The following BTBD1 variants were observed in gnomAD, a reference collection of about 807,000 sequenced individuals.
The protein encoded by BTBD1 is BTB/POZ domain-containing protein 1.
In BTBD1, 34 loss-of-function variants were observed where a neutral mutation model predicts 48.0. That is an observed-to-expected ratio of 0.71 (90% CI 0.54 to 0.94). The LOEUF (loss-of-function observed/expected upper bound fraction) is 0.94, where lower values mean the gene tolerates loss of function less well. Ranked by LOEUF, BTBD1 falls within the 40% of genes least tolerant of loss-of-function variation. BTBD1 has a pLI of 0.00. For missense variants in BTBD1, 543 were observed against 625.6 expected (o/e 0.87, Z 1.41); for synonymous variants, 261 against 242.1 (o/e 1.08, Z -0.72).
At chr15:83,050,566 TAC>T (rs1567110761) in intron 2 of BTBD1, among the ~76,000 whole-genome samples, 1 of 152,068 alleles carries the variant, frequency 6.6e-6, no homozygotes, top group African/African-American at 2.4e-5. Context: ...TTTGGAGAGG[TAC>T]AGTGACTTGC....
chr15:83,059,960 T>C (rs1008779764), intron 1 of BTBD1, among the ~76,000 whole-genome samples: 7 of 152,330 alleles, frequency 4.6e-5, no homozygotes, highest in African/African-American at 1.2e-4. Context: ...GTGTTTCTTA[T>C]AAGACATTTT....
At chr15:83,045,502 A>AAAAC (rs942993825) in intron 3 of BTBD1, among the ~76,000 whole-genome samples, 5 of 150,380 alleles carry the variant, frequency 3.3e-5, no homozygotes, top group Non-Finnish European at 7.4e-5. Context: ...CTGCCTCAAA[A>AAAAC]AAACAAACAA....
chr15:83,063,035 T>C (rs28570610), intron 1 of BTBD1, among the ~76,000 whole-genome samples: 10,439 of 152,276 alleles, frequency 0.069, 377 homozygotes, highest in Middle Eastern at 0.1. Context: ...CTCAATAGCA[T>C]TGAGCATAAC....
At chr15:83,056,704 T>TCTCC (rs2033092508) in intron 1 of BTBD1, among the ~76,000 whole-genome samples, 159 bp from the exon 2 acceptor site, 1 of 112,358 alleles carries the variant, frequency 8.9e-6, no homozygotes. Context: ...TCCATTCATC[T>TCTCC]ATCCATCCAT....
chr15:83,041,904 T>G lies in BTBD1; in HGVS notation c.686A>C (p.Glu229Ala), dbSNP rs372348467. The change falls in exon 4 of 8, where the codon GAG becomes GCG. Residue 229 changes from glutamate (E) to alanine (A), a missense_variant. By Grantham distance (107) the Glu-to-Ala change is moderately radical. Coordinates refer to ENST00000261721, the MANE Select transcript of BTBD1 (RefSeq NM_025238.4). ...TTCTCGAATACTGAGTGTGTCTCTCTCTAAAACTGCACAGAGTGTATCTAT... is the reference window on the plus strand; with the variant it reads ...TTCTCGAATACTGAGTGTGTCTCTCGCTAAAACTGCACAGAGTGTATCTAT... Reference protein sequence around the residue: ...IDIDTLCAVLERDTLSIRESR... With the variant: ...IDIDTLCAVLARDTLSIRESR... 1.4e-4 allele frequency: 234 copies of G among 1,614,146 alleles called. No homozygotes were observed. Among genetic ancestry groups the G allele is most frequent in the Non-Finnish European group, 1.9e-4 (223 of 1,180,016 alleles).
chr15:83,018,231 T>C lies in BTBD1; in HGVS notation c.1291-6A>G, dbSNP rs1596418450. On this transcript the variant is annotated splice_region_variant and splice_polypyrimidine_tract_variant and intron_variant, in intron 7 of 7. Coordinates refer to ENST00000261721, the MANE Select transcript of BTBD1 (RefSeq NM_025238.4). Reference sequence around the variant, plus strand: ...CCATAGTGGGAATCTGGACCCTAAATGAGAACAAAAGGTTCCTTAGTAATT... The same window carrying C: ...CCATAGTGGGAATCTGGACCCTAAACGAGAACAAAAGGTTCCTTAGTAATT... 6.4e-7 allele frequency: 1 copy of C among 1,564,694 alleles called. No individual in the cohort carries two copies. The highest frequency in any genetic ancestry group is 8.6e-7 in the Non-Finnish European group (1 of 1,156,760).
intron 4 of BTBD1, among the ~76,000 whole-genome samples, chr15:83,032,849 G>T (rs1359803767): frequency 6.6e-6 from 1 of 151,736 alleles, no homozygotes. Flanking sequence ...GTGGGTGCCT[G>T]TGATCCTAGC....
intron 4 of BTBD1, among the ~76,000 whole-genome samples, chr15:83,039,186 G>C (rs923500727): frequency 2.8e-5 from 4 of 143,774 alleles, no homozygotes; most frequent in Admixed American, 6.9e-5. Context: ...AATTCAATAA[G>C]AAAAAAAAAA....
chr15:83,041,971 C>G, intron 3 of BTBD1, 46 bp from the exon 4 acceptor site: 1 of 1,554,554 alleles, frequency 6.4e-7, no homozygotes, highest in East Asian at 2.3e-5. Flanking sequence ...TATTTTAGCT[C>G]TCTAACCAAG....
At position 83,052,797 on chromosome 15, in the gene BTBD1, ATTTTTTT is replaced by A. The variant is rs398028150; in HGVS notation, c.559-2626_559-2620del. 2.1e-3 allele frequency among the ~76,000 whole-genome samples: 198 copies of A among 94,538 alleles called. 2 individuals are homozygous for A. The highest frequency in any genetic ancestry group is 3.4e-3 in the Non-Finnish European group (170 of 49,286). 62.0% of individuals were successfully genotyped at this position (94,538 alleles called of 152,430 possible). On this transcript the variant is annotated intron_variant, in intron 2 of 7. Transcript: ENST00000261721. ...AGGCGCCCACCACCTCGCCCGGCTA[ATTTTTTT>A]TTTTTTTTTTTTTTTTTAGTAGAGA...
chr15:83,046,308 T>C (rs773100839), intron 3 of BTBD1, among the ~76,000 whole-genome samples: 2 of 152,198 alleles, frequency 1.3e-5, no homozygotes, highest in Non-Finnish European at 2.9e-5. Flanking sequence ...ACAAGTACAT[T>C]TGAAACAAAC....
At chr15:83,042,226 T>A (rs1006967620) in intron 3 of BTBD1, among the ~76,000 whole-genome samples, 1 of 150,948 alleles carries the variant, frequency 6.6e-6, no homozygotes, top group Non-Finnish European at 1.5e-5. Flanking sequence ...AGAATAAGAT[T>A]AACAAGCCAC....
chr15:83,034,600 G>A (rs2151304217), intron 4 of BTBD1, among the ~76,000 whole-genome samples: 1 of 151,832 alleles, frequency 6.6e-6, no homozygotes, highest in South Asian at 2.1e-4. Flanking sequence ...GGTGACAGAG[G>A]GAGACTGTCT....
chr15:83,039,620 A>G (rs1301388070), intron 4 of BTBD1, among the ~76,000 whole-genome samples: 1 of 152,000 alleles, frequency 6.6e-6, no homozygotes. Context: ...CAAAAAATAC[A>G]AAAATTAGCT....
chr15:83,049,251 C>G (rs1323147881), intron 3 of BTBD1, among the ~76,000 whole-genome samples: 1 of 152,166 alleles, frequency 6.6e-6, no homozygotes, highest in Non-Finnish European at 1.5e-5. Context: ...CATTTCGACA[C>G]ACCAAAGAAC....
chr15:83,059,305 G>C (rs528456295), intron 1 of BTBD1, among the ~76,000 whole-genome samples: 1 of 152,246 alleles, frequency 6.6e-6, no homozygotes, highest in East Asian at 1.9e-4. Flanking sequence ...CAGCACTTTG[G>C]GAGGCAAAGG....
chr15:83,021,022 G>GTGC lies in BTBD1; in HGVS notation c.1056-263_1056-261dup, dbSNP rs200859611. ...CACTTTTGTTGTAATGATAATTTTA[G>GTGC]TGCTATACGAGTCCAAATATTTGTA... On this transcript the variant is annotated intron_variant, in intron 5 of 7. Transcript: ENST00000261721. 8.1e-3 allele frequency among the ~76,000 whole-genome samples: 1,233 copies of GTGC among 152,294 alleles called. 3 individuals carry two copies. The highest frequency in any genetic ancestry group is 0.012 in the Non-Finnish European group (839 of 68,032).
intron 4 of BTBD1, among the ~76,000 whole-genome samples, chr15:83,031,648 G>A (rs991713131): frequency 2.6e-5 from 4 of 152,166 alleles, no homozygotes; most frequent in African/African-American, 9.7e-5. Flanking sequence ...GGAGGGGGAA[G>A]GGATAGCATT....
Position 83,067,078 on chromosome 15 carries a change from G to A in BTBD1, c.74C>T (p.Pro25Leu). 1 of 1,534,398 alleles carries A rather than the reference G, an allele frequency of 6.5e-7. No individual in the cohort carries two copies. The part of the protein sequence containing the change: ...GAEAEPGPAG[P>L]PPPPSPSSLG... ...AGAGGACGGTGAGGGCGGCGGCGGC[G>A]GCCCCGCGGGGCCCGGCTCCGCCTC... Residue 25 changes from proline (P) to leucine (L), a missense_variant, in exon 1 of 8, where the codon CCG (proline) becomes CTG (leucine). Physicochemically the swap from Pro to Leu is moderately conservative, Grantham distance 98. Around this residue, in one of 3 missense-constraint regions of BTBD1, gnomAD observed 173 missense variants for 163.9 expected, o/e 1.06. Coordinates refer to ENST00000261721, the MANE Select transcript of BTBD1 (RefSeq NM_025238.4).
Sources: gnomAD v4.1 joint callset for allele counts (sites outside exome capture counted in the v4.1 genomes callset) on GRCh38, gnomAD v4.1.1 for gene constraint, gnomAD v4.1.1 regional missense constraint, MANE v1.5 for transcripts, NCBI Gene and HGNC (gene_info 2026-07-23, HGNC 2026-07-21) for gene names.